Variants in SOX5 observed in about 807,000 individuals in gnomAD.
The protein encoded by SOX5 is transcription factor SOX-5.
SOX5 carries 9 observed loss-of-function variants against 92.0 expected under a neutral mutation model. That is an observed-to-expected ratio of 0.10 (90% confidence interval 0.06 to 0.17). The LOEUF is 0.17. Ranked by LOEUF, SOX5 falls within the 10% of genes least tolerant of loss-of-function variation. The pLI, the probability that SOX5 is intolerant of heterozygous loss-of-function variation, is 1.00. For synonymous variants in SOX5, 344 were observed against 336.3 expected (o/e 1.02, Z -0.25); for missense variants, 642 against 944.5 (o/e 0.68, Z 4.20).
chr12:23,825,526 T>G (rs556385692), intron 3 of SOX5, among the ~76,000 whole-genome samples: 1 of 152,172 alleles, frequency 6.6e-6, no homozygotes, highest in Non-Finnish European at 1.5e-5. Flanking sequence ...TTCGGCCATC[T>G]TGCCCGGGGG....
rs561974146 is a variant in SOX5, at chr12:24,030,741, CAGAGT to C, written c.-1-134722_-1-134718del. On this transcript the variant is annotated intron_variant, in intron 4 of 4. Transcript: ENST00000446891. ...TCTGCATAGCAAAGGAAACAACCAACAGAGTAAAGAGACAACCTATGGAATGAGAG... is the reference window on the plus strand; with the variant it reads ...TCTGCATAGCAAAGGAAACAACCAACAAAGAGACAACCTATGGAATGAGAG... 1.4e-3 allele frequency among the ~76,000 whole-genome samples: 206 copies of C among 151,990 alleles called. 1 individual carries two copies. Among genetic ancestry groups the C allele is most frequent in the African/African-American group, 4.8e-3 (199 of 41,488 alleles).
intron 3 of SOX5, among the ~76,000 whole-genome samples, chr12:24,214,529 C>T (rs1959012320): frequency 6.6e-6 from 1 of 151,916 alleles, no homozygotes; most frequent in Non-Finnish European, 1.5e-5. Flanking sequence ...GTTTGGCCAC[C>T]AAAATGACTA....
At chr12:24,184,543 G>T (rs1955833430) in intron 4 of SOX5, among the ~76,000 whole-genome samples, 2 of 152,106 alleles carry the variant, frequency 1.3e-5, no homozygotes, top group Admixed American at 6.6e-5. Flanking sequence ...TACTAAATGT[G>T]ATTTTGAGGT....
At chr12:24,375,599 G>C (rs939752710) in intron 1 of SOX5, among the ~76,000 whole-genome samples, 1 of 151,878 alleles carries the variant, frequency 6.6e-6, no homozygotes, top group African/African-American at 2.4e-5. Context: ...AGCTGGGCAT[G>C]GTGGTGGGCA....
At chr12:24,156,200 G>A (rs1952153432) in intron 4 of SOX5, among the ~76,000 whole-genome samples, 1 of 152,140 alleles carries the variant, frequency 6.6e-6, no homozygotes, top group Admixed American at 6.5e-5. Context: ...GTAGGACAGT[G>A]TGAAAGCCCA....
intron 4 of SOX5, among the ~76,000 whole-genome samples, chr12:24,155,671 C>T (rs1180897184): frequency 2.0e-5 from 3 of 152,140 alleles, no homozygotes; most frequent in Admixed American, 1.3e-4. Flanking sequence ...TAACAATTAG[C>T]TTTCAAACAC....
chr12:23,700,784 TCAGAAGA>T (rs1402479227), intron 6 of SOX5, among the ~76,000 whole-genome samples: 1 of 152,060 alleles, frequency 6.6e-6, no homozygotes, highest in Non-Finnish European at 1.5e-5. Flanking sequence ...ACTAGATTAC[TCAGAAGA>T]CAGAGAACAG....
At chr12:23,662,646 A>T (rs146256370) in intron 7 of SOX5, among the ~76,000 whole-genome samples, 15 of 152,316 alleles carry the variant, frequency 9.8e-5, no homozygotes, top group African/African-American at 3.1e-4. Flanking sequence ...TTTCAGAAAC[A>T]GGAGATGTTA....
intron 1 of SOX5, among the ~76,000 whole-genome samples, chr12:24,413,636 A>G (rs1386588778): frequency 6.6e-6 from 1 of 152,222 alleles, no homozygotes; most frequent in Non-Finnish European, 1.5e-5. Flanking sequence ...ATTATCACTC[A>G]TCTACATTGG....
At chr12:23,557,383 T>G (rs1945362627) in intron 11 of SOX5, among the ~76,000 whole-genome samples, 1 of 152,238 alleles carries the variant, frequency 6.6e-6, no homozygotes, top group African/African-American at 2.4e-5. Context: ...AGCTATGATT[T>G]ATAATGACAG....
chr12:23,922,071 C>G (rs193264694), intron 1 of SOX5, among the ~76,000 whole-genome samples: 4 of 152,262 alleles, frequency 2.6e-5, no homozygotes, highest in East Asian at 3.9e-4. Context: ...ACAACTCCCC[C>G]CCTGGGCTCC....
chr12:23,726,301 T>C (rs1262106705), intron 6 of SOX5, among the ~76,000 whole-genome samples: 1 of 152,184 alleles, frequency 6.6e-6, no homozygotes, highest in African/African-American at 2.4e-5. Context: ...CTGGAATGTA[T>C]GTCTTGAATC....
intron 3 of SOX5, among the ~76,000 whole-genome samples, chr12:24,231,191 G>A (rs1963319198): frequency 6.6e-6 from 1 of 152,172 alleles, no homozygotes; most frequent in East Asian, 1.9e-4. Context: ...AGCTGCTCTT[G>A]CTCTTCAAAT....
At chr12:24,013,359 T>A (rs560257248) in intron 4 of SOX5, among the ~76,000 whole-genome samples, 2 of 152,308 alleles carry the variant, frequency 1.3e-5, no homozygotes, top group South Asian at 4.1e-4. Flanking sequence ...ATTGAGAACA[T>A]GTCCCCTCAA....
chr12:23,707,960 T>C (rs568867076), intron 6 of SOX5, among the ~76,000 whole-genome samples: 1 of 152,132 alleles, frequency 6.6e-6, no homozygotes, highest in African/African-American at 2.4e-5. Flanking sequence ...ACTGATGCCT[T>C]TATGGAGCAA....
At chr12:24,205,900 GA>G (rs5797068) in intron 4 of SOX5, among the ~76,000 whole-genome samples, 4,848 of 152,214 alleles carry the variant, frequency 0.032, 89 homozygotes, top group Middle Eastern at 0.058. Flanking sequence ...ACAGCAAAGG[GA>G]AAAATAAAAA....
At chr12:24,015,543 G>T (rs1953493567) in intron 4 of SOX5, among the ~76,000 whole-genome samples, 1 of 152,020 alleles carries the variant, frequency 6.6e-6, no homozygotes, top group African/African-American at 2.4e-5. Context: ...TTATTGTTTG[G>T]CATCTTAAAT....
chr12:23,532,637 A>G lies in SOX5; in HGVS notation c.*1582T>C, dbSNP rs1212230542. 6.6e-6 allele frequency: 1 copy of G among 152,300 alleles called. No individual in the cohort carries two copies. The highest frequency in any genetic ancestry group is 1.9e-4 in the East Asian group (1 of 5,178). The allele number at this position is 152,300 out of a possible 1,614,324, so 9.4% of individuals were successfully genotyped here. Reference sequence around the variant, plus strand: ...TGACAGCAAGGGAAGAGCAGTGGCAAGGATCCCTGGGTGCAGCCAGGCTCC... The same window carrying G: ...TGACAGCAAGGGAAGAGCAGTGGCAGGGATCCCTGGGTGCAGCCAGGCTCC... On this transcript the variant is annotated 3_prime_UTR_variant, in exon 15 of 15. Transcript: ENST00000451604.
intron 1 of SOX5, among the ~76,000 whole-genome samples, chr12:24,443,849 T>A (rs987661005): frequency 2.6e-5 from 4 of 152,260 alleles, no homozygotes; most frequent in African/African-American, 9.6e-5. Context: ...TCTAATATAG[T>A]ACTTCATATA....
Sources: allele counts gnomAD v4.1 joint callset (sites outside exome capture counted in the v4.1 genomes callset), GRCh38; gene constraint gnomAD v4.1.1; transcripts MANE v1.5; gene names NCBI Gene and HGNC (gene_info 2026-07-23, HGNC 2026-07-21).